Variants in PTPN14 observed in about 807,000 individuals in gnomAD.
PTPN14 encodes tyrosine-protein phosphatase non-receptor type 14.
In PTPN14, 53 loss-of-function variants were observed where a neutral mutation model predicts 126.8. The observed-to-expected ratio is 0.42, with a 90% CI of 0.34 to 0.53. The LOEUF (loss-of-function observed/expected upper bound fraction) is 0.53. Ranked by LOEUF, PTPN14 falls within the 20% of genes least tolerant of loss-of-function variation. PTPN14 has a pLI of 0.08. For synonymous variants in PTPN14, 630 were observed against 599.3 expected (o/e 1.05, Z -0.75); for missense variants, 1,257 against 1,552.9 (o/e 0.81, Z 3.20).
intron 1 of PTPN14, among the ~76,000 whole-genome samples, chr1:214,538,166 C>T: frequency 6.6e-6 from 1 of 152,076 alleles, no homozygotes; most frequent in African/African-American, 2.4e-5. Context: ...CATCAAAATG[C>T]ATTTATTAAA....
intron 5 of PTPN14, among the ~76,000 whole-genome samples, chr1:214,403,792 A>G (rs1259196303): frequency 6.6e-6 from 1 of 152,256 alleles, no homozygotes; most frequent in Non-Finnish European, 1.5e-5. Context: ...TAGAGATTCT[A>G]GAGTTTGTCT....
intron 13 of PTPN14, among the ~76,000 whole-genome samples, chr1:214,382,662 G>A (rs548343266): frequency 1.6e-4 from 24 of 152,192 alleles, no homozygotes; most frequent in Non-Finnish European, 3.2e-4. Flanking sequence ...AGCTATTCAT[G>A]TCTAGTACTA....
chr1:214,403,851 C>A (rs1659097645), intron 5 of PTPN14, among the ~76,000 whole-genome samples: 1 of 152,236 alleles, frequency 6.6e-6, no homozygotes, highest in Admixed American at 6.5e-5. Context: ...CTGCCTCTAG[C>A]TTTCCTGGGC....
chr1:214,445,301 G>A (rs1167910233), intron 3 of PTPN14, among the ~76,000 whole-genome samples: 2 of 152,124 alleles, frequency 1.3e-5, no homozygotes, highest in Non-Finnish European at 2.9e-5. Context: ...CCAGATGTAC[G>A]ACAGTGTACT....
At chr1:214,525,153 G>A (rs114236215) in intron 1 of PTPN14, among the ~76,000 whole-genome samples, 21 of 152,238 alleles carry the variant, frequency 1.4e-4, no homozygotes, top group South Asian at 4.1e-4. Flanking sequence ...TTCAGAAGTC[G>A]GTGCCAGCAC....
Position 214,384,821 on chromosome 1 carries a change from C to A in PTPN14, c.1067-33G>T, listed in dbSNP as rs771346236. On this transcript the variant is annotated intron_variant, in intron 12 of 18. Transcript: ENST00000366956. The surrounding 1 kb of genome is among the most constrained non-coding windows in gnomAD (Gnocchi z 5.3). ...AAGTCAAACAAAGGCACGTGAACCT[C>A]CAAGCCATCCTGCCACAACAAAGTA... The A allele has an allele frequency of 6.3e-7, 1 of 1,580,398 alleles. No homozygotes were observed. The highest frequency in any genetic ancestry group is 8.6e-7 in the Non-Finnish European group (1 of 1,163,424).
intron 1 of PTPN14, among the ~76,000 whole-genome samples, chr1:214,523,057 G>A (rs1037341410): frequency 1.3e-5 from 2 of 152,172 alleles, no homozygotes; most frequent in African/African-American, 2.4e-5. Flanking sequence ...ATCATACTTA[G>A]TGAGGCACCT....
chr1:214,390,009 C>T (rs1658713279), intron 11 of PTPN14, among the ~76,000 whole-genome samples: 3 of 152,158 alleles, frequency 2.0e-5, no homozygotes, highest in Admixed American at 6.6e-5. Flanking sequence ...AATTCAGAGT[C>T]CACATCTAAG....
At chr1:214,533,856 AAGAG>A (rs1166311430) in intron 1 of PTPN14, among the ~76,000 whole-genome samples, 2 of 151,398 alleles carry the variant, frequency 1.3e-5, no homozygotes, top group Non-Finnish European at 2.9e-5. Flanking sequence ...AAAAAAAAAA[AAGAG>A]AGAGAAAAAG....
chr1:214,431,493 A>G (rs1200563995), intron 3 of PTPN14, among the ~76,000 whole-genome samples: 1 of 152,232 alleles, frequency 6.6e-6, no homozygotes, highest in Non-Finnish European at 1.5e-5. Flanking sequence ...CAAAGAGTGA[A>G]TGGCAGAGCA....
intron 16 of PTPN14, among the ~76,000 whole-genome samples, chr1:214,370,175 G>A (rs1366847759): frequency 6.6e-6 from 1 of 151,854 alleles, no homozygotes; most frequent in Non-Finnish European, 1.5e-5. Flanking sequence ...AGCTGCTGGG[G>A]AGGCTGAGGC....
At chr1:214,520,065 A>AAAAAAAAATAT in intron 1 of PTPN14, among the ~76,000 whole-genome samples, 2 of 71,142 alleles carry the variant, frequency 2.8e-5, no homozygotes, top group African/African-American at 1.5e-4. Flanking sequence ...AAAAAAAAAA[A>AAAAAAAAATAT]ATATATATAT....
At chr1:214,492,596 C>T (rs929721173) in intron 1 of PTPN14, among the ~76,000 whole-genome samples, 2 of 152,122 alleles carry the variant, frequency 1.3e-5, no homozygotes, top group African/African-American at 4.8e-5. Flanking sequence ...TTGCTGGTGC[C>T]GCATGCCTGG....
At chr1:214,472,446 G>A (rs1660780422) in intron 1 of PTPN14, among the ~76,000 whole-genome samples, 1 of 152,174 alleles carries the variant, frequency 6.6e-6, no homozygotes, top group Admixed American at 6.5e-5. Context: ...GCCTGCAGAA[G>A]CATGAGCCAA....
chr1:214,375,591 C>T (rs1571958022), intron 15 of PTPN14, among the ~76,000 whole-genome samples: 1 of 152,138 alleles, frequency 6.6e-6, no homozygotes, highest in African/African-American at 2.4e-5. Context: ...TGCAGAAGTG[C>T]TAAACTATGT....
In PTPN14 at chr1:214,356,356, CAAGG is replaced by C. The variant is rs1009819881; in HGVS notation, c.*1562_*1565del. On this transcript the variant is annotated 3_prime_UTR_variant, in exon 19 of 19. Transcript: ENST00000366956. ...CCGCCTTTTTCCCAAGCTGAAAAGACAAGGAAGATGTGGCATCAAATTAACTAGA... is the reference window on the plus strand; with the variant it reads ...CCGCCTTTTTCCCAAGCTGAAAAGACAAGATGTGGCATCAAATTAACTAGA... The C allele has an allele frequency of 2.0e-5, 3 of 152,166 alleles. No individual in the cohort carries two copies. Among genetic ancestry groups the C allele is most frequent in the African/African-American group, 4.8e-5 (2 of 41,404 alleles). 9.4% of individuals were successfully genotyped at this position (152,166 alleles called of 1,614,324 possible).
In PTPN14 at chr1:214,378,192, A is replaced by G. The variant is rs1658389530; in HGVS notation, c.2545-90T>C. ...AATCTCCTCAAATCTGTAACTCCCC[A>G]GCCAAGGAATGCAGACAATCACCAT... On this transcript the variant is annotated intron_variant, in intron 13 of 18. Transcript: ENST00000366956. The G allele has an allele frequency of 1.2e-5, 17 of 1,432,134 alleles. No homozygotes were observed. The East Asian group carries it at 4.0e-4, about 34-fold the overall frequency. The allele number at this position is 1,432,134 out of a possible 1,614,324, so 88.7% of individuals were successfully genotyped here.
chr1:214,431,556 G>A lies in PTPN14; in HGVS notation c.345-16830C>T, dbSNP rs552250344. The stretch of plus-strand genomic sequence containing the variant: ...TAAAGCCTGTGCTCTTTACCATTTC[G>A]TTATATTTAAGGCTGGAGGTAAGAA... On this transcript the variant is annotated intron_variant, in intron 3 of 18. Coordinates refer to ENST00000366956, the MANE Select transcript of PTPN14 (RefSeq NM_005401.5). Among the ~76,000 whole-genome samples, 21 of 152,238 alleles carry A rather than the reference G, an allele frequency of 1.4e-4. 1 individual carries two copies. In the South Asian group the frequency reaches 1.9e-3, roughly 14 times the overall value.
chr1:214,536,335 G>A (rs569641644), intron 1 of PTPN14, among the ~76,000 whole-genome samples: 3 of 151,994 alleles, frequency 2.0e-5, no homozygotes, highest in East Asian at 3.9e-4. Context: ...TTGAGCCCAG[G>A]AATTCAAGGT....
Sources: gnomAD v4.1 joint callset for allele counts (sites outside exome capture counted in the v4.1 genomes callset) on GRCh38, gnomAD v4.1.1 for gene constraint, Gnocchi (gnomAD v3.1) non-coding constraint, MANE v1.5 for transcripts, NCBI Gene and HGNC (gene_info 2026-07-23, HGNC 2026-07-21) for gene names.